ASPRV1: variants seen among roughly 807,000 people sequenced by gnomAD.
ASPRV1 encodes the protein aspartic peptidase retroviral like 1, also known as retroviral-like aspartic protease 1.
Under a neutral mutation model 11.0 loss-of-function variants are expected in ASPRV1, and 7 were observed. The ratio of observed to expected loss-of-function variants is 0.64; its 90% CI spans 0.36 to 1.20. The LOEUF is 1.20. Ranked by LOEUF, ASPRV1 falls within the 50% of genes most tolerant of loss-of-function variation. The pLI is 0.02. For missense variants in ASPRV1, 299 were observed against 320.0 expected (o/e 0.93, Z 0.50); for synonymous variants, 136 against 138.4 (o/e 0.98, Z 0.12).
the ASPRV1 span, chr2:69,993,979 A>C: frequency 2.0e-5 from 3 of 152,240 alleles, no homozygotes; most frequent in Admixed American, 2.0e-4. Context: ...CAGAGAAATA[A>C]GGCACTTGGT....
chr2:70,043,153 C>CA, the ASPRV1 span, among the ~76,000 whole-genome samples: 1 of 152,008 alleles, frequency 6.6e-6, no homozygotes, highest in Admixed American at 6.5e-5. Context: ...GAACTCAGGC[C>CA]AAAAAAGCTG....
chr2:69,984,298 C>CA, the ASPRV1 span, among the ~76,000 whole-genome samples: 6 of 152,186 alleles, frequency 3.9e-5, no homozygotes, highest in Non-Finnish European at 8.8e-5. Context: ...CTCAGCCTCC[C>CA]AAAGTGCTGG....
the ASPRV1 span, among the ~76,000 whole-genome samples, chr2:70,065,110 A>G: frequency 6.6e-6 from 1 of 151,364 alleles, no homozygotes; most frequent in Non-Finnish European, 1.5e-5. Context: ...AAAACAAAAC[A>G]AAACAAAAAA....
chr2:69,968,503 G>A, the ASPRV1 span: 4 of 152,200 alleles, frequency 2.6e-5, no homozygotes, highest in East Asian at 3.8e-4. Flanking sequence ...CAGCCTGGAT[G>A]ACACAGTGAG....
the ASPRV1 span, among the ~76,000 whole-genome samples, chr2:70,054,470 C>T: frequency 6.8e-6 from 1 of 148,094 alleles, no homozygotes; most frequent in Admixed American, 6.8e-5. Context: ...GTCCCAGCTA[C>T]TCAGGAGGCT....
the ASPRV1 span, among the ~76,000 whole-genome samples, chr2:69,969,381 TGGCCCTCTC>T: frequency 6.6e-6 from 1 of 152,216 alleles, no homozygotes; most frequent in Non-Finnish European, 1.5e-5. Context: ...GGCTGCAGTC[TGGCCCTCTC>T]AGCCTCAAGG....
At chr2:70,025,656 T>G in the ASPRV1 span, among the ~76,000 whole-genome samples, 24 of 152,190 alleles carry the variant, frequency 1.6e-4, no homozygotes, top group African/African-American at 5.8e-4. Context: ...GGCAGGTGCT[T>G]TGGTAAACCA....
At chr2:69,940,412 T>A in the ASPRV1 span, 1 of 152,534 alleles carries the variant, frequency 6.6e-6, no homozygotes, top group African/African-American at 2.4e-5. Flanking sequence ...AAGTCCACAA[T>A]GCGGGACAGC....
At chr2:70,082,005 T>C in the ASPRV1 span, among the ~76,000 whole-genome samples, 844 of 151,586 alleles carry the variant, frequency 5.6e-3, 9 homozygotes, top group Middle Eastern at 0.021. Flanking sequence ...TGAGACAGAG[T>C]CTCACTCTGT....
the ASPRV1 span, among the ~76,000 whole-genome samples, chr2:70,015,278 A>G: frequency 6.6e-6 from 1 of 152,248 alleles, no homozygotes; most frequent in African/African-American, 2.4e-5. Flanking sequence ...TAAAAACTGT[A>G]AAACAAGACA....
At chr2:69,979,646 C>T in the ASPRV1 span, among the ~76,000 whole-genome samples, 20 of 152,286 alleles carry the variant, frequency 1.3e-4, no homozygotes, top group Admixed American at 5.2e-4. Flanking sequence ...GAGTGACAGG[C>T]CCCTTGCCTG....
the ASPRV1 span, among the ~76,000 whole-genome samples, chr2:69,966,972 C>A: frequency 6.6e-6 from 1 of 152,116 alleles, no homozygotes; most frequent in Non-Finnish European, 1.5e-5. Flanking sequence ...ACAGCAGAGC[C>A]CTTACATGTA....
Sources: gnomAD v4.1 joint callset for allele counts (sites outside exome capture counted in the v4.1 genomes callset) on GRCh38, gnomAD v4.1.1 for gene constraint, MANE v1.5 for transcripts, NCBI Gene and HGNC (gene_info 2026-07-23, HGNC 2026-07-21) for gene names.